Variants in RBM27 observed in about 807,000 individuals in gnomAD.
The protein encoded by RBM27 is RNA binding motif protein 27, also known as RNA-binding protein 27.
Under a neutral mutation model 135.3 loss-of-function variants are expected in RBM27, and 22 were observed. The observed-to-expected ratio is 0.16, with a 90% confidence interval of 0.12 to 0.23. RBM27 has a LOEUF of 0.23. Among genes scored for constraint, RBM27 ranks in the 10% least tolerant of loss-of-function variants. RBM27 has a pLI of 1.00. For missense variants in RBM27, 1,009 were observed against 1,281.0 expected (o/e 0.79, Z 3.24); for synonymous variants, 481 against 442.4 (o/e 1.09, Z -1.10).
intron 5 of RBM27, among the ~76,000 whole-genome samples, chr5:146,230,121 T>A (rs971212776): frequency 1.3e-5 from 2 of 152,220 alleles, no homozygotes; most frequent in African/African-American, 2.4e-5. Context: ...AAGGAGCTAT[T>A]CAAGTGTATC....
intron 6 of RBM27, among the ~76,000 whole-genome samples, chr5:146,232,449 C>G (rs945244484): frequency 6.6e-6 from 1 of 152,158 alleles, no homozygotes; most frequent in African/African-American, 2.4e-5. Flanking sequence ...AACATAAATA[C>G]TAGTATGCTA....
At chr5:146,236,546 A>G (rs936054121) in intron 7 of RBM27, among the ~76,000 whole-genome samples, 4 of 152,226 alleles carry the variant, frequency 2.6e-5, no homozygotes, top group Non-Finnish European at 4.4e-5. Flanking sequence ...TTAAGCTTGC[A>G]TATATTAAAT....
At chr5:146,205,845 C>T (rs1054698002) in intron 1 of RBM27, among the ~76,000 whole-genome samples, 3 of 151,964 alleles carry the variant, frequency 2.0e-5, no homozygotes, top group Admixed American at 6.6e-5. Context: ...ATGGTGAAAC[C>T]CCGTCTCTAC....
rs920137019 is a variant in RBM27, at chr5:146,255,204, T to C, written c.1594+112T>C. The C allele has an allele frequency of 1.3e-5, 12 of 894,334 alleles. 1 individual carries two copies. The South Asian group carries it at 1.5e-4, about 11-fold the overall frequency. 55.4% of individuals were successfully genotyped at this position (894,334 alleles called of 1,614,324 possible). A position where few individuals can be genotyped will look rare whatever the true frequency, so the allele number is the denominator to read the frequency against. ...AGGAAATTAAGGTCCAAATTACTTA[T>C]ATATTATCTCTTTGGAGGGTGCTAT... On this transcript the variant is annotated intron_variant, in intron 10 of 20. Coordinates refer to ENST00000265271, the MANE Select transcript of RBM27 (RefSeq NM_018989.2).
At chr5:146,284,957 T>C (rs1005675700) in intron 20 of RBM27, among the ~76,000 whole-genome samples, 1 of 152,148 alleles carries the variant, frequency 6.6e-6, no homozygotes, top group African/African-American at 2.4e-5. Context: ...TCTTTTTTGT[T>C]TACATTTATA....
intron 2 of RBM27, among the ~76,000 whole-genome samples, chr5:146,223,012 G>T (rs978953165): frequency 1.3e-5 from 2 of 151,920 alleles, no homozygotes; most frequent in African/African-American, 4.8e-5. Context: ...GTTTCTTTAT[G>T]CAGATAGATA....
chr5:146,211,322 G>A (rs1755932273), intron 1 of RBM27, among the ~76,000 whole-genome samples: 1 of 151,880 alleles, frequency 6.6e-6, no homozygotes, highest in Admixed American at 6.6e-5. Flanking sequence ...AAGGTATTTT[G>A]TTATAGTAGC....
Position 146,228,993 on chromosome 5 carries a change from A to C in RBM27, c.351A>C (p.Lys117Asn). The C allele has an allele frequency of 6.2e-7, 1 of 1,613,882 alleles. No homozygotes were observed. ...AAGAACGAGATGGCAGAAAAAAGAA[A>C]TATCCTAGTCCCCAGAAGACTCGTT... is the stretch of plus-strand genomic sequence containing the variant. ...AEEERDGRKKKYPSPQKTRSE... is the reference protein window; with the variant it reads ...AEEERDGRKKNYPSPQKTRSE... Residue 117 changes from lysine to asparagine, a missense_variant, in exon 4 of 21, where the codon AAA becomes AAC. By Grantham distance (94) the Lys-to-Asn change is moderately conservative. Coordinates refer to ENST00000265271, the MANE Select transcript of RBM27 (RefSeq NM_018989.2).
At chr5:146,211,357 T>G (rs776083130) in intron 1 of RBM27, among the ~76,000 whole-genome samples, 1 of 151,850 alleles carries the variant, frequency 6.6e-6, no homozygotes, top group East Asian at 1.9e-4. Flanking sequence ...AGAGAAAGTT[T>G]TCATTTGAAA....
chr5:146,232,247 A>G (rs1756968963), intron 6 of RBM27, among the ~76,000 whole-genome samples: 2 of 152,272 alleles, frequency 1.3e-5, no homozygotes, highest in South Asian at 4.1e-4. Context: ...ACGTTTTTAC[A>G]TTTTACTTAT....
Position 146,218,987 on chromosome 5 carries a change from G to GTGA in RBM27, c.65_67dup (p.Asp22dup). On this transcript the variant is annotated inframe_insertion, in exon 2 of 21. Transcript: ENST00000265271. Reference sequence around the variant, plus strand: ...TTGTTTTCTCTTTGTCTAACTAGATGTGATGCTGATCCTTCAGCCTTAGCC... The same window carrying GTGA: ...TTGTTTTCTCTTTGTCTAACTAGATGTGATGATGCTGATCCTTCAGCCTTAGCC... 6.3e-7 allele frequency: 1 copy of GTGA among 1,590,158 alleles called. No homozygotes were observed. Among genetic ancestry groups the GTGA allele is most frequent in the Non-Finnish European group, 8.6e-7 (1 of 1,169,052 alleles).
chr5:146,269,610 C>T (rs755133323), intron 17 of RBM27, 26 bp downstream of exon 17: 5 of 1,467,714 alleles, frequency 3.4e-6, no homozygotes, highest in Non-Finnish European at 3.6e-6. Context: ...TTTTATTTAA[C>T]ATAGGGTTAT....
intron 1 of RBM27, among the ~76,000 whole-genome samples, chr5:146,217,686 T>A (rs1282057017): frequency 6.6e-6 from 1 of 152,046 alleles, no homozygotes; most frequent in Non-Finnish European, 1.5e-5. Flanking sequence ...AATAGTGTTT[T>A]ATAGGTTATA....
chr5:146,267,015 T>C (rs1004520137), intron 14 of RBM27, among the ~76,000 whole-genome samples: 1 of 152,204 alleles, frequency 6.6e-6, no homozygotes, highest in Non-Finnish European at 1.5e-5. Context: ...ACAAGAGTTT[T>C]TATTTGGCAC....
chr5:146,284,428 C>T (rs1197768863), intron 19 of RBM27, among the ~76,000 whole-genome samples, 194 bp from the exon 20 acceptor site: 2 of 151,996 alleles, frequency 1.3e-5, no homozygotes, highest in African/African-American at 4.8e-5. Flanking sequence ...ATGGGTTATC[C>T]TAGGCAAACC....
chr5:146,240,310 GT>G (rs1757351137), intron 8 of RBM27, among the ~76,000 whole-genome samples: 1 of 151,610 alleles, frequency 6.6e-6, no homozygotes, highest in African/African-American at 2.4e-5. Flanking sequence ...CTGTCTGTCT[GT>G]CTGTCTGTCT....
intron 11 of RBM27, among the ~76,000 whole-genome samples, chr5:146,259,140 G>C (rs1348856886): frequency 1.3e-5 from 2 of 151,150 alleles, no homozygotes; most frequent in African/African-American, 2.4e-5. Context: ...ACTAGCAATG[G>C]ATAGAAAAGA....
At chr5:146,266,887 C>T (rs1758639539) in intron 14 of RBM27, among the ~76,000 whole-genome samples, 1 of 152,112 alleles carries the variant, frequency 6.6e-6, no homozygotes, top group Admixed American at 6.6e-5. Flanking sequence ...CGTGATTGCA[C>T]CTCTGCACGC....
intron 17 of RBM27, among the ~76,000 whole-genome samples, chr5:146,270,184 T>G (rs917873446): frequency 8.5e-5 from 13 of 152,318 alleles, no homozygotes; most frequent in Middle Eastern, 3.4e-3. Context: ...AGTCTAATTT[T>G]TATTAATTTC....
Sources: gnomAD v4.1 joint callset for allele counts (sites outside exome capture counted in the v4.1 genomes callset) on GRCh38, gnomAD v4.1.1 for gene constraint, MANE v1.5 for transcripts, NCBI Gene and HGNC (gene_info 2026-07-23, HGNC 2026-07-21) for gene names.